Variants in NYAP2 observed in about 807,000 individuals in gnomAD.
NYAP2 encodes neuronal tyrosine-phosphorylated phosphoinositide-3-kinase adapter 2.
Under a neutral mutation model 50.4 loss-of-function variants are expected in NYAP2, and 23 were observed. That is an observed-to-expected ratio of 0.46 (90% CI 0.33 to 0.65). NYAP2 has a LOEUF of 0.65. Ranked by LOEUF, NYAP2 falls within the 30% of genes least tolerant of loss-of-function variation. The pLI is 0.02. For synonymous variants in NYAP2, 394 were observed against 365.2 expected, an observed-to-expected ratio of 1.08 and a Z score of -0.90; for missense variants, 885 against 861.0, an observed-to-expected ratio of 1.03 and a Z score of -0.35.
At chr2:225,405,357 A>T (rs542004870) in intron 2 of NYAP2, among the ~76,000 whole-genome samples, 6 of 152,092 alleles carry the variant, frequency 3.9e-5, no homozygotes, top group African/African-American at 1.4e-4. Flanking sequence ...GTCTTCTAGG[A>T]TGCTGACATA....
chr2:225,671,737 AT>A, the NYAP2 span, among the ~76,000 whole-genome samples: 314 of 152,256 alleles, frequency 2.1e-3, 1 homozygote, highest in African/African-American at 7.1e-3. Flanking sequence ...TATGAAATAG[AT>A]TTCTTAAATA....
At chr2:225,522,143 C>T (rs946009001) in intron 4 of NYAP2, among the ~76,000 whole-genome samples, 1 of 151,854 alleles carries the variant, frequency 6.6e-6, no homozygotes, top group African/African-American at 2.4e-5. Context: ...TTTTTTATTG[C>T]ATCTATTTGA....
intron 3 of NYAP2, among the ~76,000 whole-genome samples, chr2:225,441,622 G>A (rs112962412): frequency 6.6e-6 from 1 of 152,170 alleles, no homozygotes; most frequent in Non-Finnish European, 1.5e-5. Context: ...GGCGGCAGGA[G>A]AGAGAGAGTG....
chr2:225,630,102 A>G (rs993467488), intron 6 of NYAP2, among the ~76,000 whole-genome samples: 1 of 152,234 alleles, frequency 6.6e-6, no homozygotes, highest in African/African-American at 2.4e-5. Context: ...TCTGGATAAA[A>G]TCCTAAAAGT....
chr2:225,539,703 T>G (rs972712296), intron 4 of NYAP2, among the ~76,000 whole-genome samples: 1 of 152,188 alleles, frequency 6.6e-6, no homozygotes, highest in Non-Finnish European at 1.5e-5. Context: ...TTGATTTTTT[T>G]TTTCTGATAA....
intron 3 of NYAP2, among the ~76,000 whole-genome samples, chr2:225,475,426 A>T (rs1436747782): frequency 1.3e-5 from 2 of 152,220 alleles, no homozygotes; most frequent in African/African-American, 4.8e-5. Flanking sequence ...GCTGTTATTA[A>T]AGCCATAAAC....
At chr2:225,584,620 C>A (rs1311565113) in intron 5 of NYAP2, among the ~76,000 whole-genome samples, 1 of 152,168 alleles carries the variant, frequency 6.6e-6, no homozygotes, top group Non-Finnish European at 1.5e-5. Flanking sequence ...ACTCTCAATA[C>A]TTTTGATGAT....
chr2:225,480,837 T>C (rs1342915038), intron 3 of NYAP2, among the ~76,000 whole-genome samples: 1 of 152,108 alleles, frequency 6.6e-6, no homozygotes. Context: ...CTAGTTGTTT[T>C]AAAAAATAGT....
intron 3 of NYAP2, among the ~76,000 whole-genome samples, chr2:225,410,453 A>G (rs528986153): frequency 6.6e-6 from 1 of 151,582 alleles, no homozygotes. Flanking sequence ...AGTATTTTTG[A>G]TGGACATTTT....
At chr2:225,449,976 TG>T (rs1178232521) in intron 3 of NYAP2, among the ~76,000 whole-genome samples, 1 of 152,126 alleles carries the variant, frequency 6.6e-6, no homozygotes, top group African/African-American at 2.4e-5. Flanking sequence ...ATCTGACACC[TG>T]ATAAGTATTT....
At chr2:225,597,516 T>TATATATATATATATATATAC (rs1385472479) in intron 5 of NYAP2, among the ~76,000 whole-genome samples, 5 of 106,834 alleles carry the variant, frequency 4.7e-5, no homozygotes, top group Non-Finnish European at 8.2e-5. Flanking sequence ...AGGAGAAATA[T>TATATATATATATATATATAC]ATATATATAT....
At chr2:225,568,198 C>T (rs1444495143) in intron 4 of NYAP2, among the ~76,000 whole-genome samples, 1 of 152,054 alleles carries the variant, frequency 6.6e-6, no homozygotes, top group Non-Finnish European at 1.5e-5. Flanking sequence ...TTGTGATTTC[C>T]CTCTGCCCTG....
exon 2 of NYAP2, chr2:225,400,910 C>T (rs1694849143): frequency 1.3e-5 from 2 of 152,580 alleles, no homozygotes. Flanking sequence ...CTGAGCTGAA[C>T]TACAAGTCTA....
chr2:225,602,776 A>G (rs900024548), intron 5 of NYAP2, among the ~76,000 whole-genome samples: 1 of 152,104 alleles, frequency 6.6e-6, no homozygotes, highest in African/African-American at 2.4e-5. Flanking sequence ...TATATATAGA[A>G]GTTTATTACT....
rs1420137730 is a variant in NYAP2 at position 225,512,835 on chromosome 2, C to CTT, written c.222-535_222-534insTT. Among the ~76,000 whole-genome samples, 379 of 58,762 alleles carry CTT rather than the reference C, an allele frequency of 6.4e-3. 7 individuals carry two copies. The highest frequency in any genetic ancestry group is 0.011 in the African/African-American group (208 of 19,224). 38.6% of individuals were successfully genotyped at this position (58,762 alleles called of 152,430 possible). A position where few individuals can be genotyped will look rare whatever the true frequency, so the allele number is the denominator to read the frequency against. On this transcript the variant is annotated intron_variant, in intron 3 of 6. Transcript: ENST00000636099. ...TTTCTTTCTTTCTCTCTCTCTCTCTCTCTTTCTTTCTTTCTTTCTTCCTTC... is the reference window on the plus strand; with the variant it reads ...TTTCTTTCTTTCTCTCTCTCTCTCTCTTTCTTTCTTTCTTTCTTTCTTCCTTC...
chr2:225,538,851 T>G (rs1691405636), intron 4 of NYAP2, among the ~76,000 whole-genome samples: 1 of 71,792 alleles, frequency 1.4e-5, no homozygotes, highest in Non-Finnish European at 2.7e-5. Flanking sequence ...TCTTTCTTTG[T>G]TTTTATTATT....
intron 4 of NYAP2, among the ~76,000 whole-genome samples, chr2:225,531,456 A>G (rs575432664): frequency 6.2e-4 from 94 of 152,288 alleles, no homozygotes; most frequent in African/African-American, 2.2e-3. Flanking sequence ...TTTATTGTAA[A>G]TATCTGCCTA....
downstream of NYAP2, among the ~76,000 whole-genome samples, chr2:225,657,102 CTTTTTT>C (rs375126014): frequency 1.9e-4 from 19 of 101,084 alleles, no homozygotes; most frequent in African/African-American, 6.6e-4. Context: ...AATCTAATTC[CTTTTTT>C]TTTTTTTTTT....
the NYAP2 span, among the ~76,000 whole-genome samples, chr2:225,679,599 A>G: frequency 7.2e-6 from 1 of 139,704 alleles, no homozygotes; most frequent in Non-Finnish European, 1.5e-5. Context: ...GGTTCAAGCT[A>G]TTCTCCTGCC....
Sources: allele counts gnomAD v4.1 joint callset (sites outside exome capture counted in the v4.1 genomes callset), GRCh38; gene constraint gnomAD v4.1.1; transcripts MANE v1.5; gene names NCBI Gene and HGNC (gene_info 2026-07-23, HGNC 2026-07-21).